FBH1: variants seen among roughly 807,000 people sequenced by gnomAD.
The protein encoded by FBH1 is F-box DNA helicase 1.
A neutral mutation model predicts 115.5 loss-of-function variants in FBH1; 43 were observed. That is an observed-to-expected ratio of 0.37 (90% CI 0.29 to 0.48). The LOEUF is 0.48. FBH1 is among the 20% of genes least tolerant of loss of function. The pLI, the probability that FBH1 is intolerant of heterozygous loss-of-function variation, is 0.99. For missense variants in FBH1, 1,001 were observed against 1,337.3 expected (o/e 0.75, Z 3.92); for synonymous variants, 524 against 507.8 (o/e 1.03, Z -0.43).
intron 1 of FBH1, chr10:5,894,997 T>G (rs1311997427): frequency 6.3e-7 from 1 of 1,578,410 alleles, no homozygotes; most frequent in Non-Finnish European, 8.6e-7. Context: ...ACTTTTATGG[T>G]GCTGGAGTTG....
chr10:5,933,114 G>A lies in FBH1; in HGVS notation c.2830-3342G>A, dbSNP rs59647667. ...TGCATAAGAGTGAAATAGGCCCGGC[G>A]CAGTAGCTCACACCTGTAATCCCAG... On this transcript the variant is annotated intron_variant, in intron 19 of 20. Transcript: ENST00000362091. This position sits in a 1 kb window ranked among gnomAD's most constrained non-coding sequence, Gnocchi z 4.9. Among the ~76,000 whole-genome samples, 12,593 of 152,168 alleles carry A rather than the reference G, an allele frequency of 0.083. 588 individuals carry two copies. Among genetic ancestry groups the A allele is most frequent in the Middle Eastern group, 0.12 (34 of 294 alleles).
Position 5,932,838 on chromosome 10 carries a change from C to G in FBH1, c.2830-3618C>G, listed in dbSNP as rs1238942442. The stretch of plus-strand genomic sequence containing the variant: ...GCTCAAGCCATCCTCCCACCTCAGC[C>G]TCCCGAGCAGCTGGGACTACAGGTG... On this transcript the variant is annotated intron_variant, in intron 19 of 20. Coordinates refer to ENST00000362091, the MANE Select transcript of FBH1 (RefSeq NM_178150.3). The surrounding 1 kb of genome is among the most constrained non-coding windows in gnomAD (Gnocchi z 5.9). 6.6e-6 allele frequency among the ~76,000 whole-genome samples: 1 copy of G among 152,170 alleles called. No individual in the cohort carries two copies. Among genetic ancestry groups the G allele is most frequent in the East Asian group, 1.9e-4 (1 of 5,174 alleles).
At chr10:5,928,797 C>T (rs922610861) in intron 19 of FBH1, 3 of 152,192 alleles carry the variant, frequency 2.0e-5, no homozygotes, top group African/African-American at 7.2e-5. Flanking sequence ...CTACTTAGTC[C>T]ATCTTTCCCT....
Position 5,913,686 on chromosome 10 carries a change from A to C in FBH1, c.1212-61A>C. 8.3e-7 allele frequency: 1 copy of C among 1,198,716 alleles called. No homozygotes were observed. The highest frequency in any genetic ancestry group is 1.2e-6 in the Non-Finnish European group (1 of 860,870). The allele number at this position is 1,198,716 out of a possible 1,614,324, so 74.3% of individuals were successfully genotyped here. ...AGGAGTTTAAATCCATCTGAGGAAA[A>C]ATAAGATGCAGATTGTGACTTGAAT... On this transcript the variant is annotated intron_variant, in intron 6 of 20. Coordinates refer to ENST00000362091, the MANE Select transcript of FBH1 (RefSeq NM_178150.3). This position sits in a 1 kb window ranked among gnomAD's most constrained non-coding sequence, Gnocchi z 4.4.
Position 5,914,306 on chromosome 10 carries a change from T to A in FBH1, c.1396+37T>A. 6.4e-7 allele frequency: 1 copy of A among 1,571,100 alleles called. No homozygotes were observed. Among genetic ancestry groups the A allele is most frequent in the South Asian group, 1.1e-5 (1 of 90,176 alleles). ...CACATCAGGTTCACGAGGTGGTGGT[T>A]TTCTGCCTTTTCTCCCTACATCCCC... On this transcript the variant is annotated intron_variant, in intron 8 of 20. Coordinates refer to ENST00000362091, the MANE Select transcript of FBH1 (RefSeq NM_178150.3). The surrounding 1 kb of genome is among the most constrained non-coding windows in gnomAD (Gnocchi z 5.2).
rs1292278047 is a variant in FBH1 at position 5,924,443 on chromosome 10, A to C, written c.2531A>C (p.Asn844Thr). The C allele has an allele frequency of 6.2e-7, 1 of 1,614,194 alleles. No individual in the cohort carries two copies. The highest frequency in any genetic ancestry group is 8.5e-7 in the Non-Finnish European group (1 of 1,180,014). ...EAKIAVVEKY[N>T]IRIPELVQRI... ...AAGATCGCAGTTGTTGAAAAGTATA[A>C]CATCAGGATTCCAGAGCTGGTGCAA... Residue 844 changes from asparagine to threonine, a missense_variant, in exon 17 of 21, where the codon AAC becomes ACC. Transcript: ENST00000362091. This position sits in a 1 kb window ranked among gnomAD's most constrained non-coding sequence, Gnocchi z 6.2.
chr10:5,923,529 A>G lies in FBH1; in HGVS notation c.2323-92A>G, dbSNP rs992267018. On this transcript the variant is annotated intron_variant, in intron 15 of 20. Transcript: ENST00000362091. The surrounding 1 kb of genome is among the most constrained non-coding windows in gnomAD (Gnocchi z 5.7). ...TCTCATTTCAAAACCCCATCCCTGC[A>G]TTTGCTTTATTTTGTTTTGTTAAAG... The G allele has an allele frequency of 7.6e-6, 8 of 1,049,116 alleles. No individual in the cohort carries two copies. Among genetic ancestry groups the G allele is most frequent in the African/African-American group, 4.8e-5 (3 of 62,742 alleles). The allele number at this position is 1,049,116 out of a possible 1,614,324, so 65.0% of individuals were successfully genotyped here.
intron 1 of FBH1, chr10:5,891,023 T>G: frequency 3.2e-6 from 1 of 309,524 alleles, no homozygotes; most frequent in Non-Finnish European, 4.7e-6. Context: ...TTGCAGTCTG[T>G]GGTCCGAAGA....
In FBH1 at chr10:5,936,581, C is replaced by T; in HGVS notation, c.2955C>T (p.Ile985=). 6.2e-7 allele frequency: 1 copy of T among 1,613,970 alleles called. No homozygotes were observed. The highest frequency in any genetic ancestry group is 1.1e-5 in the South Asian group (1 of 91,066). ...TCCTTACCATGAAGAAGCTGCCCAT[C>T]ACCTATGTACGTCTGCTGTCTGTGG... The part of the protein sequence containing the change: ...DTVLTMKKLP[I]TYSNRKENKG... The change falls in exon 20 of 21, where the codon ATC becomes ATT. Residue 985 remains isoleucine, a synonymous_variant. Coordinates refer to ENST00000362091, the MANE Select transcript of FBH1 (RefSeq NM_178150.3). The surrounding 1 kb of genome is among the most constrained non-coding windows in gnomAD (Gnocchi z 5.6).
intron 2 of FBH1, among the ~76,000 whole-genome samples, chr10:5,903,409 C>G (rs954102853): frequency 1.3e-5 from 2 of 151,236 alleles, no homozygotes; most frequent in African/African-American, 4.9e-5. Flanking sequence ...CGGCTCACTG[C>G]AACCTCTGCC....
intron 1 of FBH1, among the ~76,000 whole-genome samples, chr10:5,898,817 C>T (rs758600133): frequency 2.6e-5 from 4 of 152,198 alleles, no homozygotes; most frequent in African/African-American, 4.8e-5. Context: ...TCTGGCCCCA[C>T]GCTATCTACA....
chr10:5,931,905 G>A lies in FBH1; in HGVS notation c.2829+4364G>A, dbSNP rs1832991590. Among the ~76,000 whole-genome samples the A allele has an allele frequency of 6.6e-6, 1 of 152,096 alleles. No homozygotes were observed. Among genetic ancestry groups the A allele is most frequent in the Non-Finnish European group, 1.5e-5 (1 of 68,020 alleles). ...ACCCCTGTAATCCCAGCACTTTGCGGGGCTGAGGCAGACAGGTCACTTTAA... is the reference window on the plus strand; with the variant it reads ...ACCCCTGTAATCCCAGCACTTTGCGAGGCTGAGGCAGACAGGTCACTTTAA... On this transcript the variant is annotated intron_variant, in intron 19 of 20. Coordinates refer to ENST00000362091, the MANE Select transcript of FBH1 (RefSeq NM_178150.3). This position sits in a 1 kb window ranked among gnomAD's most constrained non-coding sequence, Gnocchi z 4.3.
At position 5,895,120 on chromosome 10, in the gene FBH1, G is replaced by C; in HGVS notation, c.1+4774G>C. On this transcript the variant is annotated intron_variant, in intron 1 of 20. Transcript: ENST00000362091. This position sits in a 1 kb window ranked among gnomAD's most constrained non-coding sequence, Gnocchi z 5.0. The stretch of plus-strand genomic sequence containing the variant: ...ATGGGCTACATTGCGCAGGGCCCCT[G>C]GGCCATCTCCACAGGAGATGCCAGA... The C allele has an allele frequency of 6.2e-7, 1 of 1,614,010 alleles. No homozygotes were observed. Among genetic ancestry groups the C allele is most frequent in the Non-Finnish European group, 8.5e-7 (1 of 1,179,938 alleles).
At chr10:5,930,971 C>G (rs1035606336) in intron 19 of FBH1, among the ~76,000 whole-genome samples, 1 of 152,100 alleles carries the variant, frequency 6.6e-6, no homozygotes. Flanking sequence ...CTATGTTGCC[C>G]AGGCTGGTCT....
Position 5,918,264 on chromosome 10 carries a change from A to G in FBH1, c.1964-78A>G, listed in dbSNP as rs2274026. On this transcript the variant is annotated intron_variant, in intron 12 of 20. Coordinates refer to ENST00000362091, the MANE Select transcript of FBH1 (RefSeq NM_178150.3). The surrounding 1 kb of genome is among the most constrained non-coding windows in gnomAD (Gnocchi z 4.0). ...AGTGTGCCCTGGCTTAGCTTCGTGG[A>G]AGTGTTTTTGTCCTTTTCTTTTTGC... The G allele has an allele frequency of 0.037, 57,168 of 1,559,154 alleles. 1,417 individuals carry two copies. Among genetic ancestry groups the G allele is most frequent in the East Asian group, 0.1 (4,517 of 43,550 alleles).
Position 5,924,465 on chromosome 10 carries a change from G to A in FBH1, c.2553G>A (p.Val851=), listed in dbSNP as rs376318315. The change falls in exon 17 of 21, where the codon GTG becomes GTA. Residue 851 remains valine, a synonymous_variant. Transcript: ENST00000362091. The surrounding 1 kb of genome is among the most constrained non-coding windows in gnomAD (Gnocchi z 6.2). ...EKYNIRIPEL[V]QRIEKCHIED... ...ATAACATCAGGATTCCAGAGCTGGT[G>A]CAAAGGATAGAAAAATGCCATATAG... is the stretch of plus-strand genomic sequence containing the variant. The A allele has an allele frequency of 2.5e-6, 4 of 1,613,972 alleles. No homozygotes were observed. In the African/African-American group the frequency reaches 5.3e-5, roughly 22 times the overall value.
In FBH1 at chr10:5,914,055, G is replaced by A. The variant is rs536422732; in HGVS notation, c.1305-123G>A. 2 of 945,070 alleles carry A rather than the reference G, an allele frequency of 2.1e-6. No individual in the cohort carries two copies. The highest frequency in any genetic ancestry group is 3.3e-6 in the Non-Finnish European group (2 of 609,756). The allele number at this position is 945,070 out of a possible 1,614,324, so 58.5% of individuals were successfully genotyped here. A position where few individuals can be genotyped will look rare whatever the true frequency, so the allele number is the denominator to read the frequency against. On this transcript the variant is annotated intron_variant, in intron 7 of 20. Coordinates refer to ENST00000362091, the MANE Select transcript of FBH1 (RefSeq NM_178150.3). The surrounding 1 kb of genome is among the most constrained non-coding windows in gnomAD (Gnocchi z 5.2). ...TTTAGAACATGTTTATTCTCGTAAG[G>A]GGAGGCCTTTTTTTTGGTCAGCTTT... is the stretch of plus-strand genomic sequence containing the variant.
Position 5,931,563 on chromosome 10 carries a change from T to C in FBH1, c.2829+4022T>C, listed in dbSNP as rs764654640. On this transcript the variant is annotated intron_variant, in intron 19 of 20. Coordinates refer to ENST00000362091, the MANE Select transcript of FBH1 (RefSeq NM_178150.3). The surrounding 1 kb of genome is among the most constrained non-coding windows in gnomAD (Gnocchi z 4.3). ...AGTATTTATTACTTATTGATACTAT[T>C]CTATGTATTTAAAAATAATATTCAA... Among the ~76,000 whole-genome samples, 25 of 152,244 alleles carry C rather than the reference T, an allele frequency of 1.6e-4. No homozygotes were observed. The highest frequency in any genetic ancestry group is 3.4e-4 in the Non-Finnish European group (23 of 68,042).
At chr10:5,916,098 C>T (rs979934901) in intron 9 of FBH1, 136 bp from the exon 10 acceptor site, 11 of 752,262 alleles carry the variant, frequency 1.5e-5, no homozygotes, top group Middle Eastern at 3.8e-4. Context: ...AGAACTTTTT[C>T]GCTTTAAAAC....
Sources: gnomAD v4.1 joint callset for allele counts (sites outside exome capture counted in the v4.1 genomes callset) on GRCh38, gnomAD v4.1.1 for gene constraint, Gnocchi (gnomAD v3.1) non-coding constraint, MANE v1.5 for transcripts, NCBI Gene and HGNC (gene_info 2026-07-23, HGNC 2026-07-21) for gene names.